The following ATF7 variants were observed in gnomAD, a reference collection of about 807,000 sequenced individuals.
The protein encoded by ATF7 is activating transcription factor 7.
In ATF7, 10 loss-of-function variants were observed where a neutral mutation model predicts 50.4. The observed-to-expected ratio is 0.20, with a 90% confidence interval of 0.12 to 0.34. The LOEUF (loss-of-function observed/expected upper bound fraction) is 0.34, where lower values mean the gene tolerates loss of function less well. ATF7 is among the 10% of genes least tolerant of loss of function. The pLI is 1.00. For missense variants in ATF7, 465 were observed against 613.9 expected (o/e 0.76, Z 2.56); for synonymous variants, 201 against 226.4 (o/e 0.89, Z 1.01).
intron 1 of ATF7, among the ~76,000 whole-genome samples, chr12:53,619,053 A>AC (rs1944267884): frequency 7.1e-6 from 1 of 139,948 alleles, no homozygotes; most frequent in Non-Finnish European, 1.6e-5. Flanking sequence ...CTCTGTCTCC[A>AC]AAAAAAAAAA....
Position 53,547,738 on chromosome 12 carries a change from C to T in ATF7, c.146-4290G>A, listed in dbSNP as rs1459169868. 4.0e-5 allele frequency among the ~76,000 whole-genome samples: 6 copies of T among 149,962 alleles called. No homozygotes were observed. The South Asian group carries it at 8.4e-4, about 21-fold the overall frequency. On this transcript the variant is annotated intron_variant, in intron 3 of 11. Transcript: ENST00000420353. Reference sequence around the variant, plus strand: ...GACTACAGGTGTGCACCACCATGCTCGGCTAATTTTATGTATGTATGTATG... The same window carrying T: ...GACTACAGGTGTGCACCACCATGCTTGGCTAATTTTATGTATGTATGTATG...
At position 53,524,704 on chromosome 12, in the gene ATF7, C is replaced by T. The variant is rs1337461013; in HGVS notation, c.985G>A (p.Glu329Lys). Reference protein sequence around the residue: ...TGGRRRRTVDEDPDERRQRFL... With the variant: ...TGGRRRRTVDKDPDERRQRFL... ...CGCTGCCGTCGCTCATCTGGATCTT[C>T]ATCTACTGTGCGCCGCCGTCGCCCC... The change falls in exon 10 of 12, where the codon GAA (glutamate) becomes AAA (lysine). Residue 329 changes from glutamate to lysine, a missense_variant. Glu to Lys is a moderately conservative substitution (Grantham distance 56). Transcript: ENST00000420353. The surrounding 1 kb of genome is among the most constrained non-coding windows in gnomAD (Gnocchi z 4.6). 1 of 1,613,240 alleles carries T rather than the reference C, an allele frequency of 6.2e-7. No homozygotes were observed.
Position 53,517,318 on chromosome 12 carries a change from G to A in ATF7, c.1271C>T (p.Pro424Leu). The change falls in exon 12 of 12, where the codon CCA becomes CTA. Residue 424 changes from proline to leucine, a missense_variant. Pro to Leu is a moderately conservative substitution (Grantham distance 98). Coordinates refer to ENST00000420353, the MANE Select transcript of ATF7 (RefSeq NM_006856.3). ...PKESSEPTGSPAPVIQHSSAT... is the reference protein window; with the variant it reads ...PKESSEPTGSLAPVIQHSSAT... ...TGAGCTGTGCTGAATCACAGGGGCT[G>A]GAGAACCCGTTGGCTCTGAGCTTTC... is the stretch of plus-strand genomic sequence containing the variant. 2 of 1,613,950 alleles carry A rather than the reference G, an allele frequency of 1.2e-6. No individual in the cohort carries two copies. Among genetic ancestry groups the A allele is most frequent in the Middle Eastern group, 1.7e-4 (1 of 6,060 alleles).
At chr12:53,580,577 T>C (rs1200444613) in intron 2 of ATF7, among the ~76,000 whole-genome samples, 3 of 141,062 alleles carry the variant, frequency 2.1e-5, no homozygotes, top group Non-Finnish European at 4.5e-5. Flanking sequence ...GGCAGGAGAA[T>C]GGTGTGAACC....
At position 53,587,102 on chromosome 12, in the gene ATF7, C is replaced by T. The variant is rs546147480; in HGVS notation, c.48+13851G>A. 3.3e-5 allele frequency among the ~76,000 whole-genome samples: 5 copies of T among 152,296 alleles called. No individual in the cohort carries two copies. In the South Asian group the frequency reaches 1.0e-3, roughly 32 times the overall value. ...GGAAAATGTGCTGGGCACGGTGGCT[C>T]ACGCCTCTAATCCCAACACTTTGGG... On this transcript the variant is annotated intron_variant, in intron 2 of 11. Transcript: ENST00000420353.
At chr12:53,607,980 G>A (rs959988280) in intron 1 of ATF7, among the ~76,000 whole-genome samples, 14 of 152,114 alleles carry the variant, frequency 9.2e-5, no homozygotes, top group African/African-American at 3.4e-4. Flanking sequence ...AGCACTCTGG[G>A]AGGCCGAGGC....
chr12:53,604,313 G>A (rs900163637), intron 1 of ATF7, among the ~76,000 whole-genome samples: 1 of 152,110 alleles, frequency 6.6e-6, no homozygotes, highest in Admixed American at 6.6e-5. Flanking sequence ...AGAAAGTTAC[G>A]TAAATGCTGG....
intron 2 of ATF7, among the ~76,000 whole-genome samples, chr12:53,559,547 C>T (rs1390359219): frequency 2.6e-5 from 4 of 151,886 alleles, no homozygotes; most frequent in Non-Finnish European, 5.9e-5. Context: ...CGTGTGGAGG[C>T]GCGTGCCTGT....
chr12:53,524,442 G>T lies in ATF7; in HGVS notation c.1125+122C>A. 8.9e-7 allele frequency: 1 copy of T among 1,121,356 alleles called. No homozygotes were observed. Among genetic ancestry groups the T allele is most frequent in the Non-Finnish European group, 1.3e-6 (1 of 794,832 alleles). The allele number at this position is 1,121,356 out of a possible 1,614,324, so 69.5% of individuals were successfully genotyped here. ...CTGACCGTTAAGAGATTCTTCATGG[G>T]ACAACTAGATCTGTCCTAATTAGAG... is the stretch of plus-strand genomic sequence containing the variant. On this transcript the variant is annotated intron_variant, in intron 10 of 11. Coordinates refer to ENST00000420353, the MANE Select transcript of ATF7 (RefSeq NM_006856.3). This position sits in a 1 kb window ranked among gnomAD's most constrained non-coding sequence, Gnocchi z 4.6.
intron 4 of ATF7, among the ~76,000 whole-genome samples, chr12:53,540,680 T>C (rs1298261250): frequency 6.6e-6 from 1 of 151,828 alleles, no homozygotes; most frequent in Non-Finnish European, 1.5e-5. Flanking sequence ...AAGCCGAGAT[T>C]GCGCTACTGC....
chr12:53,565,611 G>A (rs1941406917), intron 2 of ATF7, among the ~76,000 whole-genome samples: 1 of 151,944 alleles, frequency 6.6e-6, no homozygotes, highest in Non-Finnish European at 1.5e-5. Flanking sequence ...TCGTACTTCG[G>A]CCTCCTGAGT....
At chr12:53,550,713 G>A (rs2137495136) in intron 3 of ATF7, among the ~76,000 whole-genome samples, 1 of 152,328 alleles carries the variant, frequency 6.6e-6, no homozygotes, top group Non-Finnish European at 1.5e-5. Context: ...AGCCAAGTAA[G>A]TGTTCACATA....
At chr12:53,569,458 G>A (rs937072626) in intron 2 of ATF7, among the ~76,000 whole-genome samples, 1 of 152,150 alleles carries the variant, frequency 6.6e-6, no homozygotes, top group Non-Finnish European at 1.5e-5. Flanking sequence ...TTCAAAACCT[G>A]TTAAAGCATC....
chr12:53,609,519 T>G (rs867057736), intron 1 of ATF7, among the ~76,000 whole-genome samples: 9 of 151,558 alleles, frequency 5.9e-5, no homozygotes, highest in Non-Finnish European at 8.8e-5. Context: ...GTGCCTGTAG[T>G]TCCAGCTACT....
At chr12:53,575,585 A>T (rs1942022607) in intron 2 of ATF7, 1 of 152,076 alleles carries the variant, frequency 6.6e-6, no homozygotes, top group Admixed American at 6.6e-5. Context: ...AAAAAAAAAA[A>T]AAAAATCTAC....
chr12:53,605,004 TC>T (rs1268592525), intron 1 of ATF7, among the ~76,000 whole-genome samples: 1 of 152,148 alleles, frequency 6.6e-6, no homozygotes, highest in Non-Finnish European at 1.5e-5. Flanking sequence ...AGTATACATA[TC>T]ATTTAGACGC....
At chr12:53,600,895 A>G (rs1943371325) in intron 2 of ATF7, 58 bp downstream of exon 2, 6 of 1,560,932 alleles carry the variant, frequency 3.8e-6, no homozygotes, top group Non-Finnish European at 5.3e-6. Context: ...CCTTAGTGAT[A>G]AAACAGCCAC....
chr12:53,550,368 A>AATAAAT (rs1940281871), intron 3 of ATF7, among the ~76,000 whole-genome samples: 1 of 146,988 alleles, frequency 6.8e-6, no homozygotes, highest in Non-Finnish European at 1.5e-5. Flanking sequence ...ATAAATAAAT[A>AATAAAT]ATAAATATAA....
At chr12:53,520,791 G>A (rs1313647523) in intron 11 of ATF7, among the ~76,000 whole-genome samples, 1 of 152,002 alleles carries the variant, frequency 6.6e-6, no homozygotes, top group Non-Finnish European at 1.5e-5. Flanking sequence ...AGAAACTTTG[G>A]TGTAATTTTT....
Sources: allele counts gnomAD v4.1 joint callset (sites outside exome capture counted in the v4.1 genomes callset), GRCh38; gene constraint gnomAD v4.1.1; non-coding constraint Gnocchi (gnomAD v3.1); transcripts MANE v1.5; gene names NCBI Gene and HGNC (gene_info 2026-07-23, HGNC 2026-07-21).